The following NSD3 variants were observed in gnomAD, a reference collection of about 807,000 sequenced individuals.
NSD3 encodes the protein nuclear receptor binding SET domain protein 3, also known as histone-lysine N-methyltransferase NSD3.
A neutral mutation model predicts 160.8 loss-of-function variants in NSD3; 24 were observed. That is an observed-to-expected ratio of 0.15 (90% CI 0.11 to 0.21). NSD3 has a LOEUF of 0.21. NSD3 is among the 10% of genes least tolerant of loss of function. The pLI is 1.00. For missense variants in NSD3, 1,157 were observed against 1,735.9 expected (o/e 0.67, Z 5.93); for synonymous variants, 520 against 600.0 (o/e 0.87, Z 1.95).
chr8:38,283,589 G>C (rs1481975439), intron 19 of NSD3, among the ~76,000 whole-genome samples: 1 of 152,014 alleles, frequency 6.6e-6, no homozygotes, highest in Non-Finnish European at 1.5e-5. Context: ...GATAAAAATA[G>C]ATTATAATAA....
intron 16 of NSD3, 50 bp from the exon 17 acceptor site, chr8:38,290,727 A>C (rs1300151815): frequency 6.3e-7 from 1 of 1,592,614 alleles, no homozygotes; most frequent in Non-Finnish European, 8.6e-7. Context: ...GAAACAAAAA[A>C]CCACTATTTA....
At position 38,295,824 on chromosome 8, in the gene NSD3, T is replaced by C. The variant is rs773113582; in HGVS notation, c.2887A>G (p.Ile963Val). 1.7e-5 allele frequency: 27 copies of C among 1,612,614 alleles called. No individual in the cohort carries two copies. The highest frequency in any genetic ancestry group is 2.2e-5 in the Non-Finnish European group (26 of 1,179,738). The change falls in exon 16 of 24, where the codon ATT becomes GTT. Residue 963 changes from isoleucine to valine, a missense_variant. Ile to Val is a conservative substitution (Grantham distance 29). Transcript: ENST00000317025. ...KAGKKLHYKQ[I>V]VWVKLGNYRW... Reference sequence around the variant, plus strand: ...TAATTTCCCAATTTGACCCAAACAATCTGCTTGTAATGTAGTTTCTTGCCA... The same window carrying C: ...TAATTTCCCAATTTGACCCAAACAACCTGCTTGTAATGTAGTTTCTTGCCA...
chr8:38,312,965 T>C (rs1038700644), intron 12 of NSD3, among the ~76,000 whole-genome samples: 4 of 152,134 alleles, frequency 2.6e-5, no homozygotes, highest in African/African-American at 4.8e-5. Context: ...AAAGGAATAA[T>C]GGGGAATGTG....
At chr8:38,380,842 T>C (rs1811526866) in intron 1 of NSD3, 2 of 152,216 alleles carry the variant, frequency 1.3e-5, no homozygotes, top group African/African-American at 4.8e-5. Context: ...CTGCAGTGCC[T>C]TGGCAGCAAA....
At chr8:38,379,197 G>A (rs563585739) in intron 1 of NSD3, among the ~76,000 whole-genome samples, 2 of 152,054 alleles carry the variant, frequency 1.3e-5, no homozygotes, top group East Asian at 3.9e-4. Flanking sequence ...AGGCTTCTTC[G>A]TATATGAATA....
At chr8:38,297,049 A>G (rs973184463) in intron 15 of NSD3, among the ~76,000 whole-genome samples, 23 of 152,202 alleles carry the variant, frequency 1.5e-4, no homozygotes, top group Non-Finnish European at 3.2e-4. Flanking sequence ...ACAAATGTGT[A>G]ATTGTTAGAT....
At chr8:38,292,274 GA>G (rs1809014025) in intron 16 of NSD3, among the ~76,000 whole-genome samples, 1 of 152,190 alleles carries the variant, frequency 6.6e-6, no homozygotes. Context: ...ATGTATAGTA[GA>G]AAAGTGAAAA....
At chr8:38,283,156 T>C (rs1446181985) in intron 19 of NSD3, among the ~76,000 whole-genome samples, 1 of 152,180 alleles carries the variant, frequency 6.6e-6, no homozygotes, top group Non-Finnish European at 1.5e-5. Flanking sequence ...TTTAAGCTGT[T>C]CTAAAAGGCA....
intron 1 of NSD3, among the ~76,000 whole-genome samples, chr8:38,350,255 C>T (rs932933538): frequency 1.3e-5 from 2 of 152,164 alleles, no homozygotes; most frequent in Admixed American, 6.5e-5. Context: ...CCTGAGGAAT[C>T]GCCACACTGT....
chr8:38,292,658 G>A (rs187797638), intron 16 of NSD3, among the ~76,000 whole-genome samples: 12 of 152,092 alleles, frequency 7.9e-5, no homozygotes, highest in East Asian at 3.9e-4. Flanking sequence ...GTGTGGTGTC[G>A]GGTGCCTGGA....
rs1339031060 is a variant in NSD3 at position 38,278,314 on chromosome 8, G to A, written c.3859C>T (p.Arg1287Trp). The change falls in exon 22 of 24, where the codon CGG becomes TGG. Residue 1287 changes from arginine (R) to tryptophan (W), a missense_variant. Physicochemically the swap from Arg to Trp is moderately radical, Grantham distance 101. Coordinates refer to ENST00000317025, the MANE Select transcript of NSD3 (RefSeq NM_023034.2). The stretch of plus-strand genomic sequence containing the variant: ...TCCCCTGCAAGACTGACCTTTGGCC[G>A]CACTCCTAGAAAACCACTGCAGTTA... ...ADNCSGFLGVRPKSACASTNE... is the reference protein window; with the variant it reads ...ADNCSGFLGVWPKSACASTNE... The A allele has an allele frequency of 3.1e-6, 5 of 1,613,112 alleles. No individual in the cohort carries two copies. Among genetic ancestry groups the A allele is most frequent in the East Asian group, 2.2e-5 (1 of 44,832 alleles).
chr8:38,290,680 GA>G lies in NSD3; in HGVS notation c.2916-4del. On this transcript the variant is annotated splice_polypyrimidine_tract_variant and splice_region_variant and intron_variant, in intron 16 of 23. Transcript: ENST00000317025. ...TGCAGATCTCTGCTGGCCACCATCT[GA>G]AAACAAAAGCAATTTTAGATCAAGA... 6.2e-7 allele frequency: 1 copy of G among 1,612,898 alleles called. No individual in the cohort carries two copies. The highest frequency in any genetic ancestry group is 8.5e-7 in the Non-Finnish European group (1 of 1,179,564).
chr8:38,314,536 G>C, intron 12 of NSD3, 111 bp downstream of exon 12: 1 of 1,450,142 alleles, frequency 6.9e-7, no homozygotes, highest in Non-Finnish European at 9.3e-7. Context: ...GAAGAGAGGA[G>C]GAGGGCTAAT....
chr8:38,338,369 A>G (rs914512252), intron 3 of NSD3, among the ~76,000 whole-genome samples, 167 bp downstream of exon 3: 2 of 152,276 alleles, frequency 1.3e-5, no homozygotes, highest in Non-Finnish European at 2.9e-5. Context: ...GAAAAGGAAA[A>G]TGATTCACTG....
intron 2 of NSD3, among the ~76,000 whole-genome samples, chr8:38,345,669 G>C (rs998654600): frequency 5.9e-5 from 9 of 152,008 alleles, no homozygotes; most frequent in African/African-American, 2.2e-4. Context: ...CCGGCACTTT[G>C]AGAGGCCAAG....
At chr8:38,294,566 A>G (rs1809086010) in intron 16 of NSD3, among the ~76,000 whole-genome samples, 1 of 152,204 alleles carries the variant, frequency 6.6e-6, no homozygotes. Flanking sequence ...TTCTCTTTAC[A>G]CATGGTTTAG....
chr8:38,277,443 A>C (rs1377078746), intron 22 of NSD3, among the ~76,000 whole-genome samples: 3 of 151,800 alleles, frequency 2.0e-5, no homozygotes, highest in Non-Finnish European at 4.4e-5. Context: ...ACGCCCAGCT[A>C]ATTTTTGTAT....
chr8:38,376,501 C>T (rs532157614), intron 1 of NSD3, among the ~76,000 whole-genome samples: 7 of 151,780 alleles, frequency 4.6e-5, no homozygotes, highest in Middle Eastern at 3.4e-3. Context: ...AATGGCGCGA[C>T]CTCAGCTCAC....
chr8:38,371,808 T>C (rs913847145), intron 1 of NSD3, among the ~76,000 whole-genome samples: 2 of 152,084 alleles, frequency 1.3e-5, no homozygotes, highest in Non-Finnish European at 2.9e-5. Context: ...CATGGCAGAG[T>C]TGTACGCAAA....
Sources: allele counts gnomAD v4.1 joint callset (sites outside exome capture counted in the v4.1 genomes callset), GRCh38; gene constraint gnomAD v4.1.1; transcripts MANE v1.5; gene names NCBI Gene and HGNC (gene_info 2026-07-23, HGNC 2026-07-21).